Variants in FANCI observed in about 807,000 individuals in gnomAD.
The protein encoded by FANCI is FA complementation group I.
Under a neutral mutation model 176.1 loss-of-function variants are expected in FANCI, and 156 were observed. The observed-to-expected ratio is 0.89, with a 90% confidence interval of 0.78 to 1.01. The LOEUF is 1.01. Among genes scored for constraint, FANCI ranks in the 50% least tolerant of loss-of-function variants. The pLI is 0.00. For synonymous variants in FANCI, 613 were observed against 541.7 expected, an observed-to-expected ratio of 1.13 and a Z score of -1.83; for missense variants, 1,678 against 1,534.1, an observed-to-expected ratio of 1.09 and a Z score of -1.57.
chr15:89,307,952 T>C, intron 34 of FANCI: 6 of 1,311,504 alleles, frequency 4.6e-6, no homozygotes, highest in Non-Finnish European at 4.9e-6. Context: ...GGACTTGGTT[T>C]ATTCCTGGGT....
intron 13 of FANCI, among the ~76,000 whole-genome samples, chr15:89,277,617 A>G (rs1380921849): frequency 7.0e-6 from 1 of 142,020 alleles, no homozygotes; most frequent in East Asian, 2.1e-4. Context: ...ATCTCAAAAA[A>G]AAAAAAAAAA....
chr15:89,260,876 G>A (rs1277765513), intron 4 of FANCI, 33 bp downstream of exon 4: 3 of 1,611,412 alleles, frequency 1.9e-6, no homozygotes, highest in Non-Finnish European at 2.5e-6. Flanking sequence ...TTATTTGGGG[G>A]TAGGTTTTTG....
intron 2 of FANCI, among the ~76,000 whole-genome samples, chr15:89,253,217 AATAAAG>A (rs1296841050): frequency 2.0e-5 from 3 of 152,182 alleles, no homozygotes; most frequent in African/African-American, 7.2e-5. Flanking sequence ...AAAACACTGA[AATAAAG>A]ATAATCTTTG....
Position 89,303,823 on chromosome 15 carries a change from T to C in FANCI, c.3007-41T>C, listed in dbSNP as rs28517718. 1.1e-3 allele frequency: 1,766 copies of C among 1,574,332 alleles called. 12 individuals are homozygous for C. In the African/African-American group the frequency reaches 0.016, roughly 14 times the overall value. ...TGTTCTGACAACACCTAGGTCTATC[T>C]CTGGCATGTTTCTTTAATATCTGAA... On this transcript the variant is annotated intron_variant, in intron 27 of 37. Transcript: ENST00000310775.
intron 34 of FANCI, among the ~76,000 whole-genome samples, chr15:89,311,655 A>G (rs2054967800): frequency 6.6e-6 from 1 of 152,062 alleles, no homozygotes; most frequent in Non-Finnish European, 1.5e-5. Flanking sequence ...AGGGCCAAAA[A>G]CAGATTACTG....
At chr15:89,284,257 T>C (rs1342303069) in intron 17 of FANCI, among the ~76,000 whole-genome samples, 1 of 152,216 alleles carries the variant, frequency 6.6e-6, no homozygotes, top group Non-Finnish European at 1.5e-5. Flanking sequence ...CTTTTTATAA[T>C]AATCTGGTAA....
chr15:89,254,081 C>T (rs886625201), intron 2 of FANCI, among the ~76,000 whole-genome samples: 1 of 151,812 alleles, frequency 6.6e-6, no homozygotes, highest in Non-Finnish European at 1.5e-5. Flanking sequence ...CATAGTTGCT[C>T]GGTGCGGTGG....
At chr15:89,257,522 G>A (rs1294585354) in intron 2 of FANCI, among the ~76,000 whole-genome samples, 3 of 152,134 alleles carry the variant, frequency 2.0e-5, no homozygotes, top group Non-Finnish European at 2.9e-5. Flanking sequence ...TCCTTGGCTT[G>A]TATCACCTGA....
chr15:89,310,580 T>G lies in FANCI; in HGVS notation c.3652-2324T>G, dbSNP rs1418534203. ...AAGTCAGCTGATCTGCAGGCAAACA[T>G]TTTACATTTTTCTGTTTTTGTGAGA... On this transcript the variant is annotated intron_variant, in intron 34 of 37. Coordinates refer to ENST00000310775, the MANE Select transcript of FANCI (RefSeq NM_001113378.2). Among the ~76,000 whole-genome samples, 3 of 152,352 alleles carry G rather than the reference T, an allele frequency of 2.0e-5. No homozygotes were observed. In the East Asian group the frequency reaches 5.8e-4, roughly 29 times the overall value.
chr15:89,302,173 A>G (rs1190091041), intron 27 of FANCI, among the ~76,000 whole-genome samples: 1 of 152,168 alleles, frequency 6.6e-6, no homozygotes, highest in Middle Eastern at 3.2e-3. Flanking sequence ...GCCCTGCGGT[A>G]TACTCCTCTT....
intron 22 of FANCI, among the ~76,000 whole-genome samples, 195 bp downstream of exon 22, chr15:89,293,258 A>G (rs2054132208): frequency 6.6e-6 from 1 of 152,200 alleles, no homozygotes; most frequent in Non-Finnish European, 1.5e-5. Flanking sequence ...CAGGCCTATA[A>G]AATGAAAGCC....
intron 9 of FANCI, among the ~76,000 whole-genome samples, chr15:89,265,706 G>A (rs1170700596): frequency 2.0e-5 from 3 of 151,086 alleles, no homozygotes; most frequent in African/African-American, 7.3e-5. Context: ...TGTATTTTTA[G>A]TAGCGATGGG....
chr15:89,300,131 A>T (rs574592084), intron 25 of FANCI, among the ~76,000 whole-genome samples, 165 bp downstream of exon 25: 1 of 152,152 alleles, frequency 6.6e-6, no homozygotes, highest in Non-Finnish European at 1.5e-5. Context: ...ATTACATTCA[A>T]CCACAAAGAG....
At chr15:89,311,852 G>C (rs986667215) in intron 34 of FANCI, among the ~76,000 whole-genome samples, 1 of 152,160 alleles carries the variant, frequency 6.6e-6, no homozygotes, top group Non-Finnish European at 1.5e-5. Context: ...AACTCCCCTT[G>C]AGGTAAAAAG....
Position 89,316,396 on chromosome 15 carries a change from G to A in FANCI, c.3925-1G>A, listed in dbSNP as rs1294449225. The A allele has an allele frequency of 1.2e-6, 2 of 1,611,382 alleles. No individual in the cohort carries two copies. Among genetic ancestry groups the A allele is most frequent in the Non-Finnish European group, 1.7e-6 (2 of 1,178,470 alleles). ...AGAGCATTAATTCTTTCCCCTTCTA[G>A]GGCACTGCATCAGAGCATGGGGGAC... is the stretch of plus-strand genomic sequence containing the variant. On this transcript the variant is annotated splice_acceptor_variant, in intron 37 of 37. Coordinates refer to ENST00000310775, the MANE Select transcript of FANCI (RefSeq NM_001113378.2). LOFTEE classifies it high-confidence loss of function.
intron 36 of FANCI, among the ~76,000 whole-genome samples, chr15:89,314,966 C>CAAAAA (rs1325914074): frequency 6.6e-6 from 1 of 151,650 alleles, no homozygotes; most frequent in African/African-American, 2.4e-5. Context: ...CATCATACCC[C>CAAAAA]ACTAGTTTTT....
Position 89,268,437 on chromosome 15 carries a change from G to T in FANCI, c.794G>T (p.Arg265Leu). The change falls in exon 10 of 38, where the codon CGT becomes CTT. Residue 265 changes from arginine to leucine, a missense_variant. Around this residue, in one of 3 missense-constraint regions of FANCI, gnomAD observed 469 missense variants for 436.9 expected, o/e 1.07. Transcript: ENST00000310775. ...DVVTVPSGEL[R>L]HVEGTIILHI... ...GTCACTGTGCCATCAGGTGAACTTC[G>T]TCATGTGGAAGGCACCATTATTCTA... 1 of 1,614,110 alleles carries T rather than the reference G, an allele frequency of 6.2e-7. No homozygotes were observed. Among genetic ancestry groups the T allele is most frequent in the Non-Finnish European group, 8.5e-7 (1 of 1,180,032 alleles).
chr15:89,268,730 G>T (rs779639914), intron 10 of FANCI: 3 of 567,610 alleles, frequency 5.3e-6, no homozygotes, highest in African/African-American at 3.8e-5. Flanking sequence ...CACTTTAGCA[G>T]TATACCACAT....
At position 89,316,722 on chromosome 15, in the gene FANCI, G is replaced by T; in HGVS notation, c.*263G>T. 1.3e-6 allele frequency: 2 copies of T among 1,575,034 alleles called. No individual in the cohort carries two copies. Among genetic ancestry groups the T allele is most frequent in the Non-Finnish European group, 1.7e-6 (2 of 1,144,356 alleles). On this transcript the variant is annotated 3_prime_UTR_variant, in exon 38 of 38. Transcript: ENST00000310775. ...CTGCACCACCCCGATGAAGCTCCAC[G>T]GGAGCAAATACAGAGCCTCCAGGCA... is the stretch of plus-strand genomic sequence containing the variant.
Sources: allele counts gnomAD v4.1 joint callset (sites outside exome capture counted in the v4.1 genomes callset), GRCh38; gene constraint gnomAD v4.1.1; regional missense constraint gnomAD v4.1.1; transcripts MANE v1.5; gene names NCBI Gene and HGNC (gene_info 2026-07-23, HGNC 2026-07-21).